The following ARID5B variants were observed in gnomAD, a reference collection of about 807,000 sequenced individuals.
ARID5B encodes AT-rich interaction domain 5B.
In ARID5B, 13 loss-of-function variants were observed where a neutral mutation model predicts 97.2. The observed-to-expected ratio is 0.13, with a 90% CI of 0.09 to 0.21. The LOEUF is 0.21. Among genes scored for constraint, ARID5B ranks in the 10% least tolerant of loss-of-function variants. ARID5B has a pLI of 1.00. For missense variants in ARID5B, 1,210 were observed against 1,465.3 expected (o/e 0.83, Z 2.84); for synonymous variants, 556 against 570.3 (o/e 0.97, Z 0.36).
intron 3 of ARID5B, among the ~76,000 whole-genome samples, chr10:61,989,801 C>A (rs1838897548): frequency 6.6e-6 from 1 of 152,184 alleles, no homozygotes; most frequent in South Asian, 2.1e-4. Flanking sequence ...TGCTAAGCTT[C>A]CTCTTGAACA....
At chr10:61,953,175 C>A (rs1838346901) in intron 3 of ARID5B, among the ~76,000 whole-genome samples, 1 of 152,160 alleles carries the variant, frequency 6.6e-6, no homozygotes, top group South Asian at 2.1e-4. Context: ...TCTCCATCTT[C>A]CAACTACTCA....
chr10:61,965,440 T>C (rs530071678), intron 3 of ARID5B, among the ~76,000 whole-genome samples: 2 of 152,220 alleles, frequency 1.3e-5, no homozygotes, highest in South Asian at 4.1e-4. Flanking sequence ...TAAGATATAA[T>C]AATATACCTT....
At chr10:61,901,776 C>A (rs748102746) in intron 1 of ARID5B, 46 bp downstream of exon 1, 7 of 1,561,526 alleles carry the variant, frequency 4.5e-6, no homozygotes, top group Admixed American at 1.7e-5. Context: ...CCCCCCGGCA[C>A]CCCCCAACCC....
intron 8 of ARID5B, among the ~76,000 whole-genome samples, chr10:62,085,334 A>G (rs1840266404): frequency 6.6e-6 from 1 of 152,226 alleles, no homozygotes; most frequent in South Asian, 2.1e-4. Context: ...TATGTGCTCA[A>G]TAAATAGTTG....
At chr10:61,958,651 C>T (rs1459419532) in intron 3 of ARID5B, among the ~76,000 whole-genome samples, 2 of 152,186 alleles carry the variant, frequency 1.3e-5, no homozygotes, top group African/African-American at 2.4e-5. Context: ...ATCTTGTGGT[C>T]AGCTCTGACT....
At chr10:62,050,807 A>T in intron 4 of ARID5B, 81 bp from the exon 5 acceptor site, 2 of 1,155,242 alleles carry the variant, frequency 1.7e-6, no homozygotes, top group Non-Finnish European at 2.6e-6. Flanking sequence ...AGAAGGGATC[A>T]CTGTAGTGAG....
chr10:61,982,640 T>A (rs550328653), intron 3 of ARID5B, among the ~76,000 whole-genome samples: 5 of 152,214 alleles, frequency 3.3e-5, no homozygotes, highest in African/African-American at 1.2e-4. Flanking sequence ...CAAGATATCA[T>A]GTGGTGGGAA....
At chr10:61,947,517 G>A (rs911355452) in intron 3 of ARID5B, among the ~76,000 whole-genome samples, 17 of 151,300 alleles carry the variant, frequency 1.1e-4, no homozygotes, top group Admixed American at 7.9e-4. Context: ...GTGATCACCC[G>A]CCTTGGCCTC....
chr10:61,931,380 G>A (rs1196199992), intron 2 of ARID5B, among the ~76,000 whole-genome samples: 2 of 152,078 alleles, frequency 1.3e-5, no homozygotes, highest in Non-Finnish European at 2.9e-5. Flanking sequence ...ATTTCTAAAA[G>A]TAAAATGTAA....
rs144463211 is a variant in ARID5B at position 61,936,571 on chromosome 10, C to T, written c.277-3612C>T. On this transcript the variant is annotated intron_variant, in intron 2 of 9. Transcript: ENST00000279873. Reference sequence around the variant, plus strand: ...AGGCAGAGGTTGCAGGAGCTGAGATCGTGCCACTGCACTTCAGCCTGGGCT... The same window carrying T: ...AGGCAGAGGTTGCAGGAGCTGAGATTGTGCCACTGCACTTCAGCCTGGGCT... 3.3e-3 allele frequency among the ~76,000 whole-genome samples: 502 copies of T among 152,262 alleles called. 4 individuals are homozygous for T. The highest frequency in any genetic ancestry group is 0.012 in the African/African-American group (481 of 41,548).
chr10:62,010,998 G>A (rs892450737), intron 4 of ARID5B, among the ~76,000 whole-genome samples: 4 of 152,156 alleles, frequency 2.6e-5, no homozygotes, highest in Non-Finnish European at 5.9e-5. Context: ...AAGTAAAAAA[G>A]GCTCAGCCAG....
chr10:62,071,948 C>A (rs1424428877), intron 8 of ARID5B, among the ~76,000 whole-genome samples: 2 of 152,162 alleles, frequency 1.3e-5, no homozygotes, highest in Non-Finnish European at 2.9e-5. Flanking sequence ...ATGGAAACCA[C>A]ACTGGGTATT....
At chr10:62,042,758 A>G (rs1839655054) in intron 4 of ARID5B, among the ~76,000 whole-genome samples, 1 of 151,800 alleles carries the variant, frequency 6.6e-6, no homozygotes. Flanking sequence ...AAAAATACAA[A>G]AAAAAAATTA....
chr10:61,997,393 A>G (rs1049693288), intron 3 of ARID5B, among the ~76,000 whole-genome samples: 3 of 152,114 alleles, frequency 2.0e-5, no homozygotes, highest in African/African-American at 7.2e-5. Flanking sequence ...TTAGAGAAAA[A>G]AAAAAGGAGA....
chr10:61,997,516 A>G (rs1839017941), intron 3 of ARID5B, among the ~76,000 whole-genome samples: 1 of 152,158 alleles, frequency 6.6e-6, no homozygotes, highest in Non-Finnish European at 1.5e-5. Flanking sequence ...GAGCACACAC[A>G]TTTTTCTCCA....
At position 62,092,237 on chromosome 10, in the gene ARID5B, C is replaced by T. The variant is rs897007455; in HGVS notation, c.2774C>T (p.Ala925Val). 6.2e-7 allele frequency: 1 copy of T among 1,609,900 alleles called. No homozygotes were observed. The highest frequency in any genetic ancestry group is 1.3e-5 in the African/African-American group (1 of 74,758). ...HKPTGKVLGL[A>V]HSTTGPQESK... ...CCTACCGGCAAGGTCCTGGGCCTGG[C>T]TCATTCCACCACAGGGCCCCAGGAG... The change falls in exon 10 of 10, where the codon GCT (alanine) becomes GTT (valine). Residue 925 changes from alanine (A) to valine (V), a missense_variant. By Grantham distance (64) the Ala-to-Val change is moderately conservative (BLOSUM62 0). Coordinates refer to ENST00000279873, the MANE Select transcript of ARID5B (RefSeq NM_032199.3).
chr10:62,076,859 G>C (rs1840144496), intron 8 of ARID5B, among the ~76,000 whole-genome samples: 1 of 152,076 alleles, frequency 6.6e-6, no homozygotes, highest in African/African-American at 2.4e-5. Flanking sequence ...CCAGTCAATG[G>C]ACTTGCATTT....
intron 2 of ARID5B, among the ~76,000 whole-genome samples, chr10:61,925,997 G>T (rs535119889): frequency 7.2e-5 from 11 of 152,290 alleles, no homozygotes; most frequent in African/African-American, 2.6e-4. Context: ...GATGGAAAAG[G>T]TTGGAAGAGG....
intron 4 of ARID5B, among the ~76,000 whole-genome samples, chr10:62,045,380 A>C (rs1186880114): frequency 1.3e-5 from 2 of 152,150 alleles, no homozygotes; most frequent in African/African-American, 2.4e-5. Context: ...GTAAATGATA[A>C]CTAAATTAGG....
Sources: gnomAD v4.1 joint callset for allele counts (sites outside exome capture counted in the v4.1 genomes callset) on GRCh38, gnomAD v4.1.1 for gene constraint, MANE v1.5 for transcripts, NCBI Gene and HGNC (gene_info 2026-07-23, HGNC 2026-07-21) for gene names.